The following CDK14 variants were observed in gnomAD, a reference collection of about 807,000 sequenced individuals.
CDK14 encodes the protein cyclin-dependent kinase 14.
In CDK14, 34 loss-of-function variants were observed where a neutral mutation model predicts 60.7. That is an observed-to-expected ratio of 0.56 (90% CI 0.43 to 0.75). The LOEUF (loss-of-function observed/expected upper bound fraction) is 0.75. CDK14 is among the 30% of genes least tolerant of loss of function. CDK14 has a pLI of 0.00. For synonymous variants in CDK14, 197 were observed against 203.7 expected (o/e 0.97, Z 0.28); for missense variants, 482 against 564.1 (o/e 0.85, Z 1.47).
intron 2 of CDK14, among the ~76,000 whole-genome samples, chr7:90,620,217 A>T (rs1019020711): frequency 2.0e-5 from 3 of 152,238 alleles, no homozygotes; most frequent in African/African-American, 7.2e-5. Flanking sequence ...GGCACAGACA[A>T]GCCACAGGAA....
chr7:90,741,643 G>C (rs1045748114), intron 3 of CDK14, among the ~76,000 whole-genome samples: 1 of 152,088 alleles, frequency 6.6e-6, no homozygotes, highest in African/African-American at 2.4e-5. Flanking sequence ...TTATTGTAAG[G>C]ATTAACATAA....
intron 12 of CDK14, among the ~76,000 whole-genome samples, chr7:91,106,946 G>C (rs1799320928): frequency 6.6e-6 from 1 of 152,176 alleles, no homozygotes; most frequent in South Asian, 2.1e-4. Flanking sequence ...GTGAACTATA[G>C]AAAGTCATTA....
intron 4 of CDK14, among the ~76,000 whole-genome samples, chr7:90,767,258 G>T (rs1804602795): frequency 6.6e-6 from 1 of 152,176 alleles, no homozygotes; most frequent in Non-Finnish European, 1.5e-5. Context: ...TGCAGGCCTG[G>T]ATGTCTGCCT....
intron 10 of CDK14, among the ~76,000 whole-genome samples, chr7:91,007,818 CTTTATT>C (rs1562865902): frequency 8.6e-5 from 13 of 151,760 alleles, no homozygotes. Flanking sequence ...CTGACAAGTA[CTTTATT>C]TTTATTTTTA....
At chr7:90,666,678 A>G (rs1800985704) in intron 2 of CDK14, among the ~76,000 whole-genome samples, 1 of 152,226 alleles carries the variant, frequency 6.6e-6, no homozygotes, top group South Asian at 2.1e-4. Flanking sequence ...GTTTTGGTTA[A>G]GAAGAGGCGG....
At chr7:91,182,450 G>A (rs890462715) in intron 14 of CDK14, among the ~76,000 whole-genome samples, 2 of 151,624 alleles carry the variant, frequency 1.3e-5, no homozygotes, top group African/African-American at 4.8e-5. Context: ...AAGTCAGATT[G>A]ATAAAATAAG....
chr7:90,981,381 T>C (rs544867055), intron 9 of CDK14, among the ~76,000 whole-genome samples: 2 of 152,348 alleles, frequency 1.3e-5, no homozygotes, highest in East Asian at 3.9e-4. Context: ...TGGTTTGAAA[T>C]TAGTTCTTTA....
chr7:90,607,878 C>A (rs1169317939), intron 2 of CDK14, among the ~76,000 whole-genome samples: 6 of 152,168 alleles, frequency 3.9e-5, no homozygotes, highest in African/African-American at 1.4e-4. Context: ...CTAATCATTT[C>A]TAAAATATCC....
intron 8 of CDK14, among the ~76,000 whole-genome samples, chr7:90,939,480 C>T (rs3808248): frequency 0.46 from 69,318 of 152,024 alleles, 16,449 homozygotes; most frequent in East Asian, 0.7. Flanking sequence ...CATAGATTGT[C>T]GGGTTGCGGA....
At chr7:90,770,740 C>A (rs1324366347) in intron 4 of CDK14, among the ~76,000 whole-genome samples, 3 of 152,176 alleles carry the variant, frequency 2.0e-5, no homozygotes, top group Non-Finnish European at 4.4e-5. Context: ...GACCCCTTCA[C>A]GCTTAAGTGA....
chr7:90,811,246 A>G (rs1177490192), intron 5 of CDK14, among the ~76,000 whole-genome samples: 2 of 152,162 alleles, frequency 1.3e-5, no homozygotes, highest in South Asian at 2.1e-4. Context: ...CCAAAACAGC[A>G]TGGTACTGGT....
intron 10 of CDK14, among the ~76,000 whole-genome samples, chr7:91,022,525 A>G (rs578198547): frequency 1.4e-3 from 209 of 152,336 alleles, no homozygotes; most frequent in African/African-American, 4.9e-3. Flanking sequence ...CATGATTTTA[A>G]TAAATCCAAA....
At chr7:90,779,887 T>C (rs1013499635) in intron 4 of CDK14, among the ~76,000 whole-genome samples, 5 of 152,222 alleles carry the variant, frequency 3.3e-5, no homozygotes, top group African/African-American at 1.2e-4. Flanking sequence ...CCAGAAAAAT[T>C]GAGTCTATAC....
intron 5 of CDK14, among the ~76,000 whole-genome samples, chr7:90,829,460 C>G (rs1407114524): frequency 6.6e-6 from 1 of 152,174 alleles, no homozygotes; most frequent in Non-Finnish European, 1.5e-5. Flanking sequence ...TGTTCCCATT[C>G]TAACAGGGAG....
At chr7:90,646,497 T>G (rs894054510) in intron 2 of CDK14, among the ~76,000 whole-genome samples, 1 of 152,044 alleles carries the variant, frequency 6.6e-6, no homozygotes, top group African/African-American at 2.4e-5. Context: ...ACTTAAAAAA[T>G]AAAAATATAA....
At chr7:91,199,660 A>G (rs745357884) in intron 14 of CDK14, among the ~76,000 whole-genome samples, 15 of 152,208 alleles carry the variant, frequency 9.9e-5, no homozygotes, top group Non-Finnish European at 1.9e-4. Flanking sequence ...CTCATGTGAG[A>G]AATGCTTTGT....
intron 2 of CDK14, among the ~76,000 whole-genome samples, chr7:90,621,794 A>G (rs965104054): frequency 3.3e-5 from 5 of 152,144 alleles, no homozygotes; most frequent in Middle Eastern, 3.2e-3. Flanking sequence ...TAATTTTCCC[A>G]GTAATGTTGG....
chr7:90,801,100 C>T (rs182117188), intron 5 of CDK14, among the ~76,000 whole-genome samples: 1 of 152,324 alleles, frequency 6.6e-6, no homozygotes, highest in East Asian at 1.9e-4. Flanking sequence ...TCTGGGCTGA[C>T]ATAAATTTCT....
At chr7:90,962,947 G>A (rs1483906184) in intron 9 of CDK14, among the ~76,000 whole-genome samples, 1 of 152,064 alleles carries the variant, frequency 6.6e-6, no homozygotes, top group Non-Finnish European at 1.5e-5. Context: ...TAAATATACT[G>A]CATTTCTATT....
Sources: gnomAD v4.1 joint callset for allele counts (sites outside exome capture counted in the v4.1 genomes callset) on GRCh38, gnomAD v4.1.1 for gene constraint, MANE v1.5 for transcripts, NCBI Gene and HGNC (gene_info 2026-07-23, HGNC 2026-07-21) for gene names.